RIC1: variants seen among roughly 807,000 people sequenced by gnomAD.
RIC1 encodes the protein RIC1 partner of RAB6A GEF complex.
RIC1 carries 88 observed loss-of-function variants against 169.0 expected under a neutral mutation model. The ratio of observed to expected loss-of-function variants is 0.52; its 90% CI spans 0.44 to 0.62. The LOEUF is 0.62. Ranked by LOEUF, RIC1 falls within the 20% of genes least tolerant of loss-of-function variation. RIC1 has a pLI of 0.00. For synonymous variants in RIC1, 790 were observed against 601.5 expected, an observed-to-expected ratio of 1.31 and a Z score of -4.59; for missense variants, 1,877 against 1,725.5, an observed-to-expected ratio of 1.09 and a Z score of -1.56.
At chr9:5,735,203 C>T (rs1824625654) in intron 7 of RIC1, among the ~76,000 whole-genome samples, 1 of 151,782 alleles carries the variant, frequency 6.6e-6, no homozygotes, top group South Asian at 2.1e-4. Flanking sequence ...CTTATTGTTT[C>T]CTCATGATGG....
At chr9:5,685,473 A>T (rs1354647630) in intron 2 of RIC1, among the ~76,000 whole-genome samples, 2 of 149,478 alleles carry the variant, frequency 1.3e-5, no homozygotes, top group African/African-American at 2.4e-5. Context: ...ATAACGCCAC[A>T]TACCTACAAC....
chr9:5,728,914 G>C (rs1824179103), intron 6 of RIC1, among the ~76,000 whole-genome samples: 1 of 152,138 alleles, frequency 6.6e-6, no homozygotes, highest in Non-Finnish European at 1.5e-5. Context: ...TGTGAATTTT[G>C]GTTCGTTTGG....
chr9:5,645,442 C>G (rs1460512183), intron 1 of RIC1, among the ~76,000 whole-genome samples: 2 of 152,210 alleles, frequency 1.3e-5, no homozygotes, highest in Non-Finnish European at 2.9e-5. Context: ...CAAAGTTCTG[C>G]AGCATTAAGT....
rs377516112 is a variant in RIC1 at position 5,765,688 on chromosome 9, G to A, written c.3027G>A (p.Glu1009=). The A allele has an allele frequency of 1.1e-4, 170 of 1,614,036 alleles. No homozygotes were observed. The highest frequency in any genetic ancestry group is 1.4e-4 in the Non-Finnish European group (160 of 1,180,020). Residue 1009 remains glutamate (E), a synonymous_variant, in exon 21 of 26, where the codon GAG becomes GAA. Coordinates refer to ENST00000414202, the MANE Select transcript of RIC1 (RefSeq NM_020829.4). ...AACCCAGTTCAAGTGGTGGATTTGA[G>A]TTCTTCAGGAATCGAAGCATCAGTT... ...AQEPSSSGGF[E]FFRNRSISLS...
chr9:5,761,075 G>C (rs920846731), intron 17 of RIC1, among the ~76,000 whole-genome samples: 2 of 135,668 alleles, frequency 1.5e-5, no homozygotes, highest in African/African-American at 2.8e-5. Context: ...AGAAACATCT[G>C]TCTGTCTCCT....
At chr9:5,633,442 C>T (rs1246662312) in intron 1 of RIC1, among the ~76,000 whole-genome samples, 1 of 152,174 alleles carries the variant, frequency 6.6e-6, no homozygotes, top group African/African-American at 2.4e-5. Flanking sequence ...GGAATGCTCT[C>T]TTGCCTCATT....
rs149797529 is a variant in RIC1 at position 5,763,361 on chromosome 9, G to A, written c.2334G>A (p.Pro778=). 4.8e-4 allele frequency: 767 copies of A among 1,614,090 alleles called. 1 individual carries two copies. Among genetic ancestry groups the A allele is most frequent in the Non-Finnish European group, 2.7e-4 (318 of 1,180,016 alleles). The change falls in exon 19 of 26, where the codon CCG becomes CCA. Residue 778 remains proline (P), a synonymous_variant. Coordinates refer to ENST00000414202, the MANE Select transcript of RIC1 (RefSeq NM_020829.4). The surrounding 1 kb of genome is among the most constrained non-coding windows in gnomAD (Gnocchi z 5.2). ...IMLPFHINIY[P]LAVLFEDALV... ...TGCCTTTCCACATCAACATTTACCC[G>A]CTAGCTGTTCTGTTTGAAGATGCTT...
intron 2 of RIC1, among the ~76,000 whole-genome samples, chr9:5,676,297 G>A (rs1209304405): frequency 6.6e-6 from 1 of 152,126 alleles, no homozygotes; most frequent in African/African-American, 2.4e-5. Context: ...TTCCTCAAAT[G>A]TATTCTATAG....
In RIC1 at chr9:5,763,820, G is replaced by A; in HGVS notation, c.2793G>A (p.Leu931=). Residue 931 remains leucine, a synonymous_variant, in exon 19 of 26, where the codon TTG becomes TTA. Transcript: ENST00000414202. The surrounding 1 kb of genome is among the most constrained non-coding windows in gnomAD (Gnocchi z 5.2). Reference sequence around the variant, plus strand: ...CTAAGGACTTGTTTGAGGAGTGTTTGATGGCTCAGGATTTGGACACAGCTG... The same window carrying A: ...CTAAGGACTTGTTTGAGGAGTGTTTAATGGCTCAGGATTTGGACACAGCTG... ...GNPKDLFEEC[L]MAQDLDTAAS... 1.2e-6 allele frequency: 2 copies of A among 1,614,120 alleles called. No homozygotes were observed. Among genetic ancestry groups the A allele is most frequent in the Non-Finnish European group, 1.7e-6 (2 of 1,179,996 alleles).
chr9:5,642,609 A>G (rs1334823690), intron 1 of RIC1, among the ~76,000 whole-genome samples: 2 of 144,958 alleles, frequency 1.4e-5, no homozygotes, highest in Non-Finnish European at 3.0e-5. Flanking sequence ...AAACCGTAAC[A>G]CAAAATTCTT....
chr9:5,765,744 G>A lies in RIC1; in HGVS notation c.3083G>A (p.Ser1028Asn). The A allele has an allele frequency of 1.2e-6, 2 of 1,614,156 alleles. No individual in the cohort carries two copies. The highest frequency in any genetic ancestry group is 1.1e-5 in the South Asian group (1 of 91,082). Reference protein sequence around the residue: ...LSQSAENVPASKFSLQKTLSM... With the variant: ...LSQSAENVPANKFSLQKTLSM... Reference sequence around the variant, plus strand: ...CAGTCAGCTGAAAATGTTCCTGCCAGTAAATTCAGTTTACAGAAAACACTA... The same window carrying A: ...CAGTCAGCTGAAAATGTTCCTGCCAATAAATTCAGTTTACAGAAAACACTA... Residue 1028 changes from serine to asparagine, a missense_variant, in exon 21 of 26, where the codon AGT becomes AAT. By Grantham distance (46) the Ser-to-Asn change is conservative. Transcript: ENST00000414202.
rs867075874 is a variant in RIC1, at chr9:5,743,797, T to G, written c.1095+60T>G. 9.5e-5 allele frequency: 115 copies of G among 1,215,520 alleles called. 1 individual carries two copies. In the Middle Eastern group the frequency reaches 3.3e-3, roughly 35 times the overall value. 75.3% of individuals were successfully genotyped at this position (1,215,520 alleles called of 1,614,324 possible). A position where few individuals can be genotyped will look rare whatever the true frequency, so the allele number is the denominator to read the frequency against. On this transcript the variant is annotated intron_variant, in intron 10 of 25. Transcript: ENST00000414202. Reference sequence around the variant, plus strand: ...AAAAAAACTTGGATTTTTCTTCCCTTTTTTCACTCATTTTTATTTATTTAA... The same window carrying G: ...AAAAAAACTTGGATTTTTCTTCCCTGTTTTCACTCATTTTTATTTATTTAA...
At chr9:5,721,645 C>G (rs1423175150) in intron 6 of RIC1, among the ~76,000 whole-genome samples, 1 of 152,186 alleles carries the variant, frequency 6.6e-6, no homozygotes, top group Non-Finnish European at 1.5e-5. Flanking sequence ...CCTTCAGGCA[C>G]TTTTTGGGCT....
intron 4 of RIC1, among the ~76,000 whole-genome samples, chr9:5,718,384 G>A (rs1051236373): frequency 1.3e-5 from 2 of 152,116 alleles, no homozygotes; most frequent in African/African-American, 4.8e-5. Context: ...AAAGATAAGA[G>A]GGAAGTTAAT....
At chr9:5,753,130 T>C in intron 12 of RIC1, 70 bp from the exon 13 acceptor site, 1 of 1,359,140 alleles carries the variant, frequency 7.4e-7, no homozygotes, top group Non-Finnish European at 1.1e-6. Flanking sequence ...TCTCATAGTG[T>C]GATAACTTAA....
chr9:5,710,946 C>G (rs1822894206), intron 3 of RIC1, among the ~76,000 whole-genome samples: 1 of 151,962 alleles, frequency 6.6e-6, no homozygotes. Flanking sequence ...ATCTAACTGA[C>G]TAGGAGTTGT....
chr9:5,664,717 G>T (rs572864678), intron 2 of RIC1, among the ~76,000 whole-genome samples: 1 of 152,096 alleles, frequency 6.6e-6, no homozygotes, highest in Admixed American at 6.6e-5. Context: ...TTCCAACTTC[G>T]TTCCATTCTC....
At chr9:5,778,509 G>C (rs1412860685), downstream of RIC1, among the ~76,000 whole-genome samples, 3 of 152,188 alleles carry the variant, frequency 2.0e-5, no homozygotes, top group East Asian at 5.8e-4. Context: ...TATGATGCTA[G>C]CTGTGGGTTT....
Position 5,685,624 on chromosome 9 carries a change from T to C in RIC1, c.253-4335T>C, listed in dbSNP as rs1267877684. The stretch of plus-strand genomic sequence containing the variant: ...TCCTTACACCTTATACAAAAATCAA[T>C]TCAAGATGGATTAAAGATTTAAATG... On this transcript the variant is annotated intron_variant, in intron 2 of 25. Transcript: ENST00000414202. 3.3e-5 allele frequency among the ~76,000 whole-genome samples: 5 copies of C among 151,472 alleles called. No individual in the cohort carries two copies. The South Asian group carries it at 1.0e-3, about 32-fold the overall frequency.
Sources: allele counts gnomAD v4.1 joint callset (sites outside exome capture counted in the v4.1 genomes callset), GRCh38; gene constraint gnomAD v4.1.1; non-coding constraint Gnocchi (gnomAD v3.1); transcripts MANE v1.5; gene names NCBI Gene and HGNC (gene_info 2026-07-23, HGNC 2026-07-21).